The following OCLN variants were observed in gnomAD, a reference collection of about 807,000 sequenced individuals.
OCLN encodes occludin.
In OCLN, 21 loss-of-function variants were observed where a neutral mutation model predicts 47.9. The observed-to-expected ratio is 0.44, with a 90% CI of 0.31 to 0.63. The LOEUF is 0.63. Among genes scored for constraint, OCLN ranks in the 30% least tolerant of loss-of-function variants. The pLI, the probability that OCLN is intolerant of heterozygous loss-of-function variation, is 0.08. For synonymous variants in OCLN, 117 were observed against 198.4 expected (o/e 0.59, Z 3.45); for missense variants, 360 against 571.0 (o/e 0.63, Z 3.77).
intron 1 of OCLN, among the ~76,000 whole-genome samples, chr5:69,499,399 C>T (rs1768393546): frequency 1.3e-5 from 2 of 151,882 alleles, no homozygotes; most frequent in East Asian, 3.9e-4. Flanking sequence ...TTTTTTTCCC[C>T]TGAATATTTT....
At chr5:69,521,603 C>T (rs1162542010) in intron 4 of OCLN, among the ~76,000 whole-genome samples, 4 of 152,086 alleles carry the variant, frequency 2.6e-5, no homozygotes, top group Non-Finnish European at 5.9e-5. Flanking sequence ...CACTGTACTC[C>T]AGCTTAGGCA....
chr5:69,529,594 G>A (rs1769374555), intron 4 of OCLN, among the ~76,000 whole-genome samples: 1 of 152,032 alleles, frequency 6.6e-6, no homozygotes, highest in South Asian at 2.1e-4. Flanking sequence ...TCAAGAGTAA[G>A]TCTGAGTTAC....
intron 5 of OCLN, among the ~76,000 whole-genome samples, 157 bp downstream of exon 5, chr5:69,534,996 AC>A (rs1769543079): frequency 1.3e-5 from 2 of 150,068 alleles, no homozygotes; most frequent in Admixed American, 6.6e-5. Flanking sequence ...CTTTGTTGGT[AC>A]AGAGGCCTAC....
intron 1 of OCLN, among the ~76,000 whole-genome samples, chr5:69,501,177 A>G (rs1768448781): frequency 6.6e-6 from 1 of 152,096 alleles, no homozygotes; most frequent in African/African-American, 2.4e-5. Context: ...TCCACCTCCC[A>G]AGTGCTGGAA....
At chr5:69,510,493 A>G (rs1292481379) in intron 3 of OCLN, among the ~76,000 whole-genome samples, 1 of 152,056 alleles carries the variant, frequency 6.6e-6, no homozygotes, top group Non-Finnish European at 1.5e-5. Flanking sequence ...CATCCTCGCT[A>G]ATAAGGTGAA....
chr5:69,506,919 A>G (rs1027797516), intron 2 of OCLN, among the ~76,000 whole-genome samples: 4 of 152,188 alleles, frequency 2.6e-5, no homozygotes, highest in Non-Finnish European at 5.9e-5. Flanking sequence ...TGCAACATAC[A>G]TAAAGAAAAG....
intron 7 of OCLN, among the ~76,000 whole-genome samples, chr5:69,548,990 C>G (rs1048501285): frequency 7.6e-5 from 11 of 144,632 alleles, no homozygotes; most frequent in Non-Finnish European, 1.4e-4. Context: ...AATAAAATAG[C>G]CTTATTATCT....
At chr5:69,504,809 C>T (rs947579451) in intron 2 of OCLN, among the ~76,000 whole-genome samples, 2 of 152,022 alleles carry the variant, frequency 1.3e-5, no homozygotes, top group Non-Finnish European at 2.9e-5. Flanking sequence ...GTGGCGCGCA[C>T]CTCTAATCCC....
chr5:69,529,259 C>T (rs865937986), intron 4 of OCLN, among the ~76,000 whole-genome samples: 9 of 152,264 alleles, frequency 5.9e-5, no homozygotes, highest in African/African-American at 1.7e-4. Flanking sequence ...GTTTGTTTTC[C>T]TGTTGGCATC....
intron 4 of OCLN, among the ~76,000 whole-genome samples, chr5:69,528,132 C>G (rs765020668): frequency 1.3e-5 from 2 of 152,096 alleles, no homozygotes; most frequent in African/African-American, 4.8e-5. Context: ...ACTTTCCAGT[C>G]GATTTTGAAG....
chr5:69,532,470 T>C (rs1769459292), intron 4 of OCLN, among the ~76,000 whole-genome samples: 1 of 152,242 alleles, frequency 6.6e-6, no homozygotes, highest in Admixed American at 6.5e-5. Flanking sequence ...CACAGAAATA[T>C]CTGTAGATTT....
At chr5:69,500,682 T>G (rs1465643206) in intron 1 of OCLN, among the ~76,000 whole-genome samples, 3 of 152,146 alleles carry the variant, frequency 2.0e-5, no homozygotes, top group African/African-American at 7.2e-5. Flanking sequence ...ATTACAGGCA[T>G]GAGCCACATG....
chr5:69,534,009 T>C (rs1210737915), intron 4 of OCLN, among the ~76,000 whole-genome samples: 6 of 151,634 alleles, frequency 4.0e-5, no homozygotes, highest in Admixed American at 4.0e-4. Context: ...ATGAATTCAC[T>C]TACACATCAG....
chr5:69,528,441 A>G (rs1226301148), intron 4 of OCLN, among the ~76,000 whole-genome samples: 3 of 152,112 alleles, frequency 2.0e-5, no homozygotes, highest in Admixed American at 6.5e-5. Flanking sequence ...TTTTGCATCA[A>G]TAGCTGCTCT....
rs1321131368 is a variant in OCLN, at chr5:69,509,164, G to A, written c.74G>A (p.Ser25Asn). The A allele has an allele frequency of 2.5e-6, 4 of 1,613,980 alleles. No homozygotes were observed. In the South Asian group the frequency reaches 4.4e-5, roughly 18 times the overall value. The change falls in exon 3 of 9, where the codon AGC becomes AAC. Residue 25 changes from serine to asparagine, a missense_variant. Ser to Asn is a conservative substitution (Grantham distance 46). Around this residue, in one of 3 missense-constraint regions of OCLN, gnomAD observed 314 missense variants for 368.1 expected, o/e 0.85. Coordinates refer to ENST00000396442, the MANE Select transcript of OCLN (RefSeq NM_001205254.2). ...AGCAAACCGAATCATTATGCACCAAGCAATGACATATATGGTGGAGAGATG... is the reference window on the plus strand; with the variant it reads ...AGCAAACCGAATCATTATGCACCAAACAATGACATATATGGTGGAGAGATG... ...DEFKPNHYAP[S>N]NDIYGGEMHV...
rs553039369 is a variant in OCLN, at chr5:69,513,258, C to T, written c.730-690C>T. On this transcript the variant is annotated intron_variant, in intron 3 of 8. Coordinates refer to ENST00000396442, the MANE Select transcript of OCLN (RefSeq NM_001205254.2). ...CCCAGGCCAATATACCATTTAATATCCTATCACCACTGGGAGAACTGTTAA... is the reference window on the plus strand; with the variant it reads ...CCCAGGCCAATATACCATTTAATATTCTATCACCACTGGGAGAACTGTTAA... Among the ~76,000 whole-genome samples the T allele has an allele frequency of 3.9e-5, 6 of 152,296 alleles. No homozygotes were observed. The South Asian group carries it at 1.2e-3, about 32-fold the overall frequency.
In OCLN at chr5:69,509,554, T is replaced by G. The variant is rs1345472786; in HGVS notation, c.464T>G (p.Ile155Ser). 6.2e-7 allele frequency: 1 copy of G among 1,614,210 alleles called. No individual in the cohort carries two copies. Among genetic ancestry groups the G allele is most frequent in the Admixed American group, 1.7e-5 (1 of 60,020 alleles). ...AAFCFIAALVIFVTSVIRSEM... is the reference protein window; with the variant it reads ...AAFCFIAALVSFVTSVIRSEM... ...TTTTGTTTCATTGCCGCGTTGGTGA[T>G]CTTTGTTACCAGTGTTATAAGATCT... is the stretch of plus-strand genomic sequence containing the variant. Residue 155 changes from isoleucine to serine, a missense_variant, in exon 3 of 9, where the codon ATC (isoleucine) becomes AGC (serine). Coordinates refer to ENST00000396442, the MANE Select transcript of OCLN (RefSeq NM_001205254.2).
chr5:69,536,115 CTAAA>C (rs199733932), intron 5 of OCLN, among the ~76,000 whole-genome samples: 48 of 151,436 alleles, frequency 3.2e-4, no homozygotes, highest in African/African-American at 1.1e-3. Flanking sequence ...GAAGCTCCAT[CTAAA>C]TAAATAAATA....
intron 4 of OCLN, among the ~76,000 whole-genome samples, chr5:69,532,726 G>C (rs1580583761): frequency 6.6e-6 from 1 of 152,068 alleles, no homozygotes; most frequent in East Asian, 1.9e-4. Context: ...CCAGCACTTT[G>C]GGAGGCCGAG....
Sources: gnomAD v4.1 joint callset for allele counts (sites outside exome capture counted in the v4.1 genomes callset) on GRCh38, gnomAD v4.1.1 for gene constraint, gnomAD v4.1.1 regional missense constraint, MANE v1.5 for transcripts, NCBI Gene and HGNC (gene_info 2026-07-23, HGNC 2026-07-21) for gene names.